Variants in NAV2 observed in about 807,000 individuals in gnomAD.
The protein encoded by NAV2 is helicase, APC down-regulated 1.
NAV2 carries 54 observed loss-of-function variants against 223.2 expected under a neutral mutation model. The ratio of observed to expected loss-of-function variants is 0.24; its 90% confidence interval spans 0.19 to 0.30. The LOEUF is 0.30. Among genes scored for constraint, NAV2 ranks in the 10% least tolerant of loss-of-function variants. The pLI is 1.00. For synonymous variants in NAV2, 1,279 were observed against 1,239.3 expected (o/e 1.03, Z -0.67); for missense variants, 2,806 against 3,147.5 (o/e 0.89, Z 2.60).
chr11:19,765,670 C>G (rs1225251691), intron 1 of NAV2, among the ~76,000 whole-genome samples: 1 of 152,184 alleles, frequency 6.6e-6, no homozygotes, highest in Non-Finnish European at 1.5e-5. Context: ...TCACTGTGCT[C>G]TAGCCTCAGT....
chr11:19,605,535 T>TAA lies in NAV2; in HGVS notation c.76-226934_76-226933dup, dbSNP rs542244329. Among the ~76,000 whole-genome samples, 120 of 136,010 alleles carry TAA rather than the reference T, an allele frequency of 8.8e-4. 1 individual carries two copies. The highest frequency in any genetic ancestry group is 2.8e-3 in the African/African-American group (105 of 37,092). 89.2% of individuals were successfully genotyped at this position (136,010 alleles called of 152,430 possible). On this transcript the variant is annotated intron_variant, in intron 1 of 37. Coordinates refer to the NAV2 transcript ENST00000360655. ...CCCCAAACAATTTCTAAATATTATTTAAAAAAAAAAAAAAAAGAAAGTCAT... is the reference window on the plus strand; with the variant it reads ...CCCCAAACAATTTCTAAATATTATTTAAAAAAAAAAAAAAAAAAGAAAGTCAT...
chr11:19,419,850 G>T (rs1590171060), intron 1 of NAV2, among the ~76,000 whole-genome samples: 1 of 152,194 alleles, frequency 6.6e-6, no homozygotes, highest in African/African-American at 2.4e-5. Flanking sequence ...GTTTGCGTCG[G>T]GTACATACTT....
chr11:19,959,510 G>A (rs1362133092), intron 10 of NAV2, among the ~76,000 whole-genome samples: 1 of 152,172 alleles, frequency 6.6e-6, no homozygotes, highest in Non-Finnish European at 1.5e-5. Context: ...AATAATGCCT[G>A]GAGTTATGGT....
chr11:19,479,645 A>G (rs80251447), intron 1 of NAV2, among the ~76,000 whole-genome samples: 37 of 152,300 alleles, frequency 2.4e-4, no homozygotes, highest in Middle Eastern at 6.8e-3. Flanking sequence ...TAGGTCTTTC[A>G]TAGAAAATAT....
At position 19,926,558 on chromosome 11, in the gene NAV2, G is replaced by A. The variant is rs1324730836; in HGVS notation, c.932-6618G>A. Among the ~76,000 whole-genome samples the A allele has an allele frequency of 2.6e-5, 4 of 151,852 alleles. No homozygotes were observed. In the East Asian group the frequency reaches 7.7e-4, roughly 29 times the overall value. On this transcript the variant is annotated intron_variant, in intron 6 of 37. Coordinates refer to ENST00000349880, the MANE Select transcript of NAV2 (RefSeq NM_145117.5). Reference sequence around the variant, plus strand: ...GGTTCACCTGCCCTTCTGTGGTCTGGTGGCTACCAGGTTGTCAAGAACTGA... The same window carrying A: ...GGTTCACCTGCCCTTCTGTGGTCTGATGGCTACCAGGTTGTCAAGAACTGA...
intron 1 of NAV2, among the ~76,000 whole-genome samples, chr11:19,412,274 G>A (rs531187330): frequency 2.6e-4 from 39 of 152,294 alleles, no homozygotes; most frequent in Non-Finnish European, 1.3e-4. Context: ...TTGAGTAGGC[G>A]GTTTTCCCCT....
chr11:19,833,949 G>C (rs149272707), intron 2 of NAV2, among the ~76,000 whole-genome samples: 1 of 152,322 alleles, frequency 6.6e-6, no homozygotes, highest in East Asian at 1.9e-4. Context: ...GCCAGCATGG[G>C]AGAAAGCTTC....
chr11:19,381,996 C>G (rs1294707249), intron 1 of NAV2, among the ~76,000 whole-genome samples: 5 of 152,154 alleles, frequency 3.3e-5, no homozygotes, highest in Non-Finnish European at 7.4e-5. Context: ...CAGAGCTAGT[C>G]TGCAGGCTGC....
At chr11:19,954,531 A>C (rs2047668127) in intron 10 of NAV2, among the ~76,000 whole-genome samples, 1 of 152,164 alleles carries the variant, frequency 6.6e-6, no homozygotes, top group African/African-American at 2.4e-5. Context: ...ACCTATGTAG[A>C]TCCTCCTATA....
intron 1 of NAV2, among the ~76,000 whole-genome samples, chr11:19,418,698 A>G (rs192555523): frequency 6.6e-6 from 1 of 152,342 alleles, no homozygotes; most frequent in East Asian, 1.9e-4. Context: ...CAGCCAGATC[A>G]TAGAAGGTTT....
In NAV2 at chr11:19,964,492, C is replaced by CATT. The variant is rs60424234; in HGVS notation, c.2645+15412_2645+15413insATT. Among the ~76,000 whole-genome samples, 16 of 146,652 alleles carry CATT rather than the reference C, an allele frequency of 1.1e-4. 2 individuals are homozygous for CATT. Among genetic ancestry groups the CATT allele is most frequent in the African/African-American group, 1.0e-4 (4 of 39,504 alleles). On this transcript the variant is annotated intron_variant, in intron 10 of 37. Transcript: ENST00000349880. ...TATATACATTATCTCTTTTCATCCTCTTTTTTTTTTTTTTTATGAGACAGG... is the reference window on the plus strand; with the variant it reads ...TATATACATTATCTCTTTTCATCCTCATTTTTTTTTTTTTTTTTATGAGACAGG...
intron 1 of NAV2, among the ~76,000 whole-genome samples, chr11:19,398,130 AG>A (rs1445492768): frequency 6.6e-6 from 1 of 152,160 alleles, no homozygotes; most frequent in Non-Finnish European, 1.5e-5. Flanking sequence ...TCAATACTGC[AG>A]GCTGTGTAGA....
intron 1 of NAV2, among the ~76,000 whole-genome samples, chr11:19,427,549 G>C (rs1850879516): frequency 6.6e-6 from 1 of 152,186 alleles, no homozygotes; most frequent in African/African-American, 2.4e-5. Flanking sequence ...TCCAGCCTTT[G>C]GGACACATGA....
intron 3 of NAV2, among the ~76,000 whole-genome samples, chr11:19,857,565 G>C (rs1258810250): frequency 6.6e-6 from 1 of 152,168 alleles, no homozygotes; most frequent in Non-Finnish European, 1.5e-5. Context: ...GAGACTGTCA[G>C]GTTCCAGGTA....
At chr11:19,684,091 A>G (rs1287510564) in intron 1 of NAV2, among the ~76,000 whole-genome samples, 2 of 152,256 alleles carry the variant, frequency 1.3e-5, no homozygotes, top group Non-Finnish European at 2.9e-5. Context: ...AATCACTGAT[A>G]GAGCTTCTCT....
chr11:19,769,734 CA>C (rs1252251102), intron 1 of NAV2, among the ~76,000 whole-genome samples: 2 of 151,706 alleles, frequency 1.3e-5, no homozygotes, highest in African/African-American at 4.9e-5. Flanking sequence ...AAAGGTTTCC[CA>C]AGCCTCCCAT....
At chr11:19,860,606 G>A (rs1384087591) in intron 3 of NAV2, among the ~76,000 whole-genome samples, 4 of 151,444 alleles carry the variant, frequency 2.6e-5, no homozygotes, top group Admixed American at 6.6e-5. Flanking sequence ...AGGCAGAGAC[G>A]CTCCTCACTT....
chr11:19,568,438 T>A (rs1436671851), intron 1 of NAV2, among the ~76,000 whole-genome samples: 1 of 151,934 alleles, frequency 6.6e-6, no homozygotes, highest in Non-Finnish European at 1.5e-5. Context: ...GAGTTAGAGG[T>A]GAGGGTGTGT....
chr11:19,759,090 CTTTTTTTTTTT>C (rs55675583), intron 1 of NAV2, among the ~76,000 whole-genome samples: 2 of 63,846 alleles, frequency 3.1e-5, no homozygotes, highest in Admixed American at 2.1e-4. Context: ...CTGAAAGACA[CTTTTTTTTTTT>C]TTTTTTTTTT....
Sources: gnomAD v4.1 joint callset for allele counts (sites outside exome capture counted in the v4.1 genomes callset) on GRCh38, gnomAD v4.1.1 for gene constraint, MANE v1.5 for transcripts, NCBI Gene and HGNC (gene_info 2026-07-23, HGNC 2026-07-21) for gene names.